Variants in TMEM132D observed in about 807,000 individuals in gnomAD.
TMEM132D encodes the protein transmembrane protein 132D, also known as mature OL transmembrane protein.
TMEM132D carries 21 observed loss-of-function variants against 62.3 expected under a neutral mutation model. The observed-to-expected ratio is 0.34, with a 90% CI of 0.24 to 0.49. The LOEUF (loss-of-function observed/expected upper bound fraction) is 0.49, where lower values mean the gene tolerates loss of function less well. TMEM132D is among the 20% of genes least tolerant of loss of function. The probability of loss-of-function intolerance (pLI) is 0.99; values close to 1 mark genes in which losing one functional copy is unlikely to be tolerated. For missense variants in TMEM132D, 1,346 were observed against 1,402.8 expected, an observed-to-expected ratio of 0.96 and a Z score of 0.65; for synonymous variants, 621 against 575.6, an observed-to-expected ratio of 1.08 and a Z score of -1.13.
chr12:129,111,488 G>C (rs1006961569), intron 5 of TMEM132D: 1 of 152,182 alleles, frequency 6.6e-6, no homozygotes, highest in Admixed American at 6.5e-5. Flanking sequence ...GCATTCTGAC[G>C]GACTGCTTCT....
At chr12:129,878,310 C>T (rs747030010) in intron 1 of TMEM132D, among the ~76,000 whole-genome samples, 7 of 152,156 alleles carry the variant, frequency 4.6e-5, no homozygotes, top group East Asian at 1.9e-4. Context: ...GATTGCTTTA[C>T]GTTACTGTAA....
chr12:129,149,240 A>T (rs2135534617), intron 5 of TMEM132D, among the ~76,000 whole-genome samples: 1 of 151,626 alleles, frequency 6.6e-6, no homozygotes, highest in South Asian at 2.1e-4. Flanking sequence ...GGTGGGGGGC[A>T]AGGGGAGGGA....
At chr12:129,884,019 C>A (rs902377886) in intron 1 of TMEM132D, among the ~76,000 whole-genome samples, 1 of 152,170 alleles carries the variant, frequency 6.6e-6, no homozygotes, top group Non-Finnish European at 1.5e-5. Context: ...GCAATCTCAA[C>A]CTCCTGAGCT....
At chr12:129,244,150 C>T (rs1302602460) in intron 4 of TMEM132D, among the ~76,000 whole-genome samples, 1 of 152,110 alleles carries the variant, frequency 6.6e-6, no homozygotes, top group Non-Finnish European at 1.5e-5. Context: ...CTTTGGGAGG[C>T]CGAGGCGGGC....
At chr12:129,301,023 C>A (rs1881701895) in intron 4 of TMEM132D, among the ~76,000 whole-genome samples, 2 of 152,172 alleles carry the variant, frequency 1.3e-5, no homozygotes, top group Admixed American at 1.3e-4. Flanking sequence ...CATCTCCTCA[C>A]CTCACATCTC....
intron 1 of TMEM132D, among the ~76,000 whole-genome samples, chr12:129,750,226 C>A (rs569917404): frequency 6.6e-6 from 1 of 152,240 alleles, no homozygotes; most frequent in South Asian, 2.1e-4. Flanking sequence ...GCTGGGATTA[C>A]AGGCACCCGC....
intron 3 of TMEM132D, among the ~76,000 whole-genome samples, chr12:129,393,917 T>C (rs1737036024): frequency 6.6e-6 from 1 of 152,156 alleles, no homozygotes; most frequent in Non-Finnish European, 1.5e-5. Context: ...ACTCCGCCAC[T>C]CATCTCTCAG....
intron 1 of TMEM132D, among the ~76,000 whole-genome samples, chr12:129,843,014 T>G (rs905668191): frequency 2.0e-5 from 3 of 152,228 alleles, no homozygotes; most frequent in Non-Finnish European, 4.4e-5. Flanking sequence ...CAAATAATAG[T>G]ACTGTTGGTT....
At chr12:129,598,744 T>C (rs2137140856) in intron 2 of TMEM132D, among the ~76,000 whole-genome samples, 1 of 152,330 alleles carries the variant, frequency 6.6e-6, no homozygotes, top group East Asian at 1.9e-4. Flanking sequence ...TGTAAAGATC[T>C]ATGTTTTGGT....
chr12:129,559,714 T>C (rs561715307), intron 2 of TMEM132D, among the ~76,000 whole-genome samples: 8 of 152,368 alleles, frequency 5.3e-5, no homozygotes, highest in African/African-American at 1.9e-4. Flanking sequence ...CCTTGGGCTC[T>C]ATGCTGGAAT....
At chr12:129,501,647 G>C (rs1317894170) in intron 3 of TMEM132D, among the ~76,000 whole-genome samples, 1 of 152,030 alleles carries the variant, frequency 6.6e-6, no homozygotes, top group African/African-American at 2.4e-5. Flanking sequence ...TGGGCCTATA[G>C]ATGCACACCA....
intron 2 of TMEM132D, among the ~76,000 whole-genome samples, chr12:129,606,925 C>A (rs1026963524): frequency 3.3e-5 from 5 of 152,174 alleles, no homozygotes; most frequent in Non-Finnish European, 7.4e-5. Context: ...GTGGCAGGTG[C>A]ATTGTTCATT....
At chr12:129,338,411 A>C (rs1593342721) in intron 3 of TMEM132D, among the ~76,000 whole-genome samples, 1 of 152,188 alleles carries the variant, frequency 6.6e-6, no homozygotes, top group African/African-American at 2.4e-5. Flanking sequence ...TGCGACAAAG[A>C]CTGGTTTCTA....
chr12:129,453,303 G>T (rs1471868929), intron 3 of TMEM132D, among the ~76,000 whole-genome samples: 1 of 152,146 alleles, frequency 6.6e-6, no homozygotes, highest in Non-Finnish European at 1.5e-5. Flanking sequence ...ATATCTGCTG[G>T]CTTTTGCAGC....
intron 3 of TMEM132D, among the ~76,000 whole-genome samples, chr12:129,467,856 C>T (rs1873961658): frequency 6.6e-6 from 1 of 152,150 alleles, no homozygotes; most frequent in Admixed American, 6.5e-5. Flanking sequence ...TGGAAGGCCA[C>T]TGAAGCTTTT....
chr12:129,424,686 T>A (rs58151726), intron 3 of TMEM132D, among the ~76,000 whole-genome samples: 66,976 of 125,648 alleles, frequency 0.53, 17,608 homozygotes, highest in East Asian at 0.74. Context: ...CCAGCCTGGG[T>A]GACAGAGCGA....
rs757956994 is a variant in TMEM132D, at chr12:129,700,161, G to C, written c.617C>G (p.Pro206Arg). Reference sequence around the variant, plus strand: ...CTTCCTCCTCCCGGCAACCACCGTGGGGGGGCTGAACCAGCTGGACAGGAG... The same window carrying C: ...CTTCCTCCTCCCGGCAACCACCGTGCGGGGGCTGAACCAGCTGGACAGGAG... ...LELLSSWFSPPTVVAGRRKSV... is the reference protein window; with the variant it reads ...LELLSSWFSPRTVVAGRRKSV... Residue 206 changes from proline (P) to arginine (R), a missense_variant, in exon 2 of 9, where the codon CCC becomes CGC. Physicochemically the swap from Pro to Arg is moderately radical, Grantham distance 103 (BLOSUM62 -2). Coordinates refer to ENST00000422113, the MANE Select transcript of TMEM132D (RefSeq NM_133448.3). 3 of 1,613,042 alleles carry C rather than the reference G, an allele frequency of 1.9e-6. No individual in the cohort carries two copies. The highest frequency in any genetic ancestry group is 1.1e-5 in the South Asian group (1 of 91,082).
At chr12:129,639,745 A>C in intron 2 of TMEM132D, among the ~76,000 whole-genome samples, 1 of 152,210 alleles carries the variant, frequency 6.6e-6, no homozygotes, top group East Asian at 1.9e-4. Context: ...AATGTAGTTT[A>C]CATGGCTCTA....
chr12:129,087,138 A>G (rs1178444601), intron 5 of TMEM132D, among the ~76,000 whole-genome samples: 5 of 151,994 alleles, frequency 3.3e-5, no homozygotes, highest in Non-Finnish European at 7.4e-5. Context: ...TCTCCATGTC[A>G]CCCACTTCCC....
Sources: gnomAD v4.1 joint callset for allele counts (sites outside exome capture counted in the v4.1 genomes callset) on GRCh38, gnomAD v4.1.1 for gene constraint, MANE v1.5 for transcripts, NCBI Gene and HGNC (gene_info 2026-07-23, HGNC 2026-07-21) for gene names.